The following RAD23B variants were observed in gnomAD, a reference collection of about 807,000 sequenced individuals.
The protein encoded by RAD23B is lysine-specific demethylase RAD23B.
RAD23B carries 5 observed loss-of-function variants against 49.1 expected under a neutral mutation model. That is an observed-to-expected ratio of 0.10 (90% CI 0.05 to 0.21). The LOEUF (loss-of-function observed/expected upper bound fraction) is 0.21, where lower values mean the gene tolerates loss of function less well. RAD23B is among the 10% of genes least tolerant of loss of function. RAD23B has a pLI of 1.00. For missense variants in RAD23B, 356 were observed against 486.7 expected (o/e 0.73, Z 2.53); for synonymous variants, 184 against 165.4 (o/e 1.11, Z -0.86).
chr9:107,300,905 A>T (rs1826637725), intron 2 of RAD23B, among the ~76,000 whole-genome samples: 1 of 152,186 alleles, frequency 6.6e-6, no homozygotes, highest in African/African-American at 2.4e-5. Flanking sequence ...AGCCTGGAGG[A>T]AATGCTAACC....
At chr9:107,314,562 A>T (rs1826954155) in intron 5 of RAD23B, among the ~76,000 whole-genome samples, 1 of 152,048 alleles carries the variant, frequency 6.6e-6, no homozygotes, top group South Asian at 2.1e-4. Context: ...CACACACCAC[A>T]TTTTCTTTAT....
rs150552625 is a variant in RAD23B, at chr9:107,298,423, T to A, written c.67-1718T>A. Among the ~76,000 whole-genome samples the A allele has an allele frequency of 4.3e-3, 650 of 150,302 alleles. 7 individuals carry two copies. The highest frequency in any genetic ancestry group is 0.015 in the African/African-American group (607 of 40,992). On this transcript the variant is annotated intron_variant, in intron 1 of 9. Transcript: ENST00000358015. ...CCACTTTTCAAATGATTCTTGTACCTCGTCCTCCCAAGTAGCTGGGATTAC... is the reference window on the plus strand; with the variant it reads ...CCACTTTTCAAATGATTCTTGTACCACGTCCTCCCAAGTAGCTGGGATTAC...
chr9:107,316,165 A>G (rs1228800383), intron 5 of RAD23B, among the ~76,000 whole-genome samples: 1 of 152,014 alleles, frequency 6.6e-6, no homozygotes, highest in South Asian at 2.1e-4. Context: ...ACGTGCCACC[A>G]TGCCCAGCTA....
chr9:107,324,077 C>A (rs929072345), intron 8 of RAD23B, 60 bp downstream of exon 8: 4 of 1,544,916 alleles, frequency 2.6e-6, no homozygotes, highest in South Asian at 2.2e-5. Context: ...TGAAAAAGTC[C>A]ATGAACGGTC....
chr9:107,325,130 C>T lies in RAD23B; in HGVS notation c.1116+126C>T, dbSNP rs11573723. On this transcript the variant is annotated intron_variant, in intron 9 of 9. Coordinates refer to ENST00000358015, the MANE Select transcript of RAD23B (RefSeq NM_002874.5). ...AGGAGTTCAAGACCAGCCTGGCCAA[C>T]GTGGTGAAACCCCATCTCTACTAAA... is the stretch of plus-strand genomic sequence containing the variant. 0.011 allele frequency: 8,653 copies of T among 770,440 alleles called. 457 individuals are homozygous for T. In the African/African-American group the frequency reaches 0.13, roughly 11 times the overall value. The allele number at this position is 770,440 out of a possible 1,614,324, so 47.7% of individuals were successfully genotyped here. A position where few individuals can be genotyped will look rare whatever the true frequency, so the allele number is the denominator to read the frequency against.
At chr9:107,303,709 C>T (rs1826705019) in intron 3 of RAD23B, among the ~76,000 whole-genome samples, 3 of 152,066 alleles carry the variant, frequency 2.0e-5, no homozygotes, top group Admixed American at 2.0e-4. Flanking sequence ...ATAGCTTGTG[C>T]CAGAATTTGC....
At chr9:107,297,649 T>A (rs1352641037) in intron 1 of RAD23B, among the ~76,000 whole-genome samples, 4 of 152,226 alleles carry the variant, frequency 2.6e-5, no homozygotes, top group African/African-American at 4.8e-5. Context: ...TAATATTTTT[T>A]AATCAATTTT....
chr9:107,291,727 C>T (rs75923809), intron 1 of RAD23B, among the ~76,000 whole-genome samples: 1 of 152,050 alleles, frequency 6.6e-6, no homozygotes. Flanking sequence ...AGGAGAAGAA[C>T]CGAAGAACCA....
chr9:107,306,158 TG>T (rs1826766823), intron 3 of RAD23B, among the ~76,000 whole-genome samples: 2 of 149,932 alleles, frequency 1.3e-5, no homozygotes, highest in African/African-American at 2.5e-5. Flanking sequence ...TAATTGTGGT[TG>T]ATAGTTAAGA....
rs1380455680 is a variant in RAD23B, at chr9:107,326,619, T to G, written c.1116+1615T>G. Among the ~76,000 whole-genome samples the G allele has an allele frequency of 2.7e-5, 4 of 146,694 alleles. No homozygotes were observed. The South Asian group carries it at 8.4e-4, about 31-fold the overall frequency. ...CTCTTGTTACTTGTCTATTCAACTT[T>G]TGTATTTCTTTTTTTTTTTTTTTTT... On this transcript the variant is annotated intron_variant, in intron 9 of 9. Transcript: ENST00000358015.
At chr9:107,313,715 G>T (rs1406018733) in intron 5 of RAD23B, among the ~76,000 whole-genome samples, 1 of 152,116 alleles carries the variant, frequency 6.6e-6, no homozygotes, top group African/African-American at 2.4e-5. Flanking sequence ...TTGTCAACTA[G>T]AAAACTTTAG....
In RAD23B at chr9:107,331,668, G is replaced by A. The variant is rs776771747; in HGVS notation, c.*2012G>A. On this transcript the variant is annotated 3_prime_UTR_variant, in exon 10 of 10. Coordinates refer to ENST00000358015, the MANE Select transcript of RAD23B (RefSeq NM_002874.5). ...TTTTATGACATTCTCTGTCTACTCAGATCATAGTGAAAACTGGAAACAAAA... is the reference window on the plus strand; with the variant it reads ...TTTTATGACATTCTCTGTCTACTCAAATCATAGTGAAAACTGGAAACAAAA... 20 of 762,536 alleles carry A rather than the reference G, an allele frequency of 2.6e-5. No homozygotes were observed. Among genetic ancestry groups the A allele is most frequent in the Non-Finnish European group, 4.8e-5 (20 of 413,398 alleles). The allele number at this position is 762,536 out of a possible 1,614,324, so 47.2% of individuals were successfully genotyped here. A position where few individuals can be genotyped will look rare whatever the true frequency, so the allele number is the denominator to read the frequency against.
intron 4 of RAD23B, among the ~76,000 whole-genome samples, chr9:107,309,946 A>G (rs966317661): frequency 1.3e-5 from 2 of 151,252 alleles, no homozygotes; most frequent in African/African-American, 4.8e-5. Flanking sequence ...AAAAAAAAAA[A>G]AAAACCAATG....
At chr9:107,300,245 A>T in intron 2 of RAD23B, 23 bp downstream of exon 2, 1 of 1,590,304 alleles carries the variant, frequency 6.3e-7, no homozygotes, top group Middle Eastern at 1.7e-4. Flanking sequence ...TATTAAAATT[A>T]ACATGCCATG....
At chr9:107,319,121 C>CTTTTTT (rs1827056393) in intron 6 of RAD23B, among the ~76,000 whole-genome samples, 2 of 91,526 alleles carry the variant, frequency 2.2e-5, no homozygotes, top group African/African-American at 5.1e-5. Flanking sequence ...ACAAAAATTT[C>CTTTTTT]TTTTTTCTTT....
At chr9:107,328,326 T>C (rs1827246823) in intron 9 of RAD23B, among the ~76,000 whole-genome samples, 2 of 152,298 alleles carry the variant, frequency 1.3e-5, no homozygotes, top group South Asian at 2.1e-4. Flanking sequence ...GACCTTTTTT[T>C]CTACCAACAT....
At chr9:107,284,313 T>C (rs1177191455) in intron 1 of RAD23B, 2 of 764,402 alleles carry the variant, frequency 2.6e-6, no homozygotes, top group Admixed American at 1.3e-4. Context: ...GATTGCACTT[T>C]GAGGCCTCTT....
At chr9:107,328,382 C>T (rs374683876) in intron 9 of RAD23B, among the ~76,000 whole-genome samples, 9 of 151,954 alleles carry the variant, frequency 5.9e-5, no homozygotes, top group South Asian at 2.1e-4. Context: ...GTTCCACCTC[C>T]GATCATCAGG....
rs149060353 is a variant in RAD23B at position 107,306,935 on chromosome 9, G to A, written c.497+288G>A. Among the ~76,000 whole-genome samples the A allele has an allele frequency of 4.5e-3, 674 of 151,426 alleles. 8 individuals carry two copies. Among genetic ancestry groups the A allele is most frequent in the African/African-American group, 0.015 (629 of 41,226 alleles). On this transcript the variant is annotated intron_variant, in intron 4 of 9. Coordinates refer to ENST00000358015, the MANE Select transcript of RAD23B (RefSeq NM_002874.5). ...CATTTTTTTTTTTTTGAGTAGAAAC[G>A]TTAGGAAATACAAATAACCAAAATG...
Sources: gnomAD v4.1 joint callset for allele counts (sites outside exome capture counted in the v4.1 genomes callset) on GRCh38, gnomAD v4.1.1 for gene constraint, MANE v1.5 for transcripts, NCBI Gene and HGNC (gene_info 2026-07-23, HGNC 2026-07-21) for gene names.